The following WHRN variants were observed in gnomAD, a reference collection of about 807,000 sequenced individuals.
The protein encoded by WHRN is whirlin, also known as CASK-interacting protein CIP98.
WHRN carries 41 observed loss-of-function variants against 68.3 expected under a neutral mutation model. That is an observed-to-expected ratio of 0.60 (90% confidence interval 0.47 to 0.78). The LOEUF is 0.78. Ranked by LOEUF, WHRN falls within the 30% of genes least tolerant of loss-of-function variation. The pLI is 0.00. For missense variants in WHRN, 1,243 were observed against 1,244.7 expected (o/e 1.00, Z 0.02); for synonymous variants, 560 against 561.3 (o/e 1.00, Z 0.03).
At chr9:114,497,771 T>C (rs1326616808) in intron 1 of WHRN, among the ~76,000 whole-genome samples, 1 of 152,180 alleles carries the variant, frequency 6.6e-6, no homozygotes, top group African/African-American at 2.4e-5. Context: ...AGCCATTGAG[T>C]ATCCAGGCAC....
intron 3 of WHRN, among the ~76,000 whole-genome samples, chr9:114,464,813 CATAATGATGATGATGATGATG>C (rs1391633691): frequency 6.6e-5 from 8 of 120,880 alleles, no homozygotes; most frequent in South Asian, 3.1e-4. Flanking sequence ...TGATTATGTC[CATAATGATGATGATGATGATG>C]ATGATGATGA....
Position 114,424,185 on chromosome 9 carries a change from G to A in WHRN, c.1416+149C>T, listed in dbSNP as rs185189373. 179 of 897,168 alleles carry A rather than the reference G, an allele frequency of 2.0e-4. 1 individual carries two copies. The highest frequency in any genetic ancestry group is 2.0e-3 in the East Asian group (79 of 40,478). 55.6% of individuals were successfully genotyped at this position (897,168 alleles called of 1,614,324 possible). A position where few individuals can be genotyped will look rare whatever the true frequency, so the allele number is the denominator to read the frequency against. On this transcript the variant is annotated intron_variant, in intron 6 of 11. Transcript: ENST00000362057. Reference sequence around the variant, plus strand: ...CCCCCAGGAGTCTGTGAGCATCCTGGGGGCAGGAGGCTGCCTCAGTCCCAG... The same window carrying A: ...CCCCCAGGAGTCTGTGAGCATCCTGAGGGCAGGAGGCTGCCTCAGTCCCAG...
chr9:114,446,858 C>G (rs1182914613), intron 3 of WHRN, among the ~76,000 whole-genome samples: 2 of 152,076 alleles, frequency 1.3e-5, no homozygotes, highest in Non-Finnish European at 2.9e-5. Context: ...GCCAGGAGCT[C>G]TTGGAAAAGC....
chr9:114,468,398 A>G (rs1840908396), intron 2 of WHRN, among the ~76,000 whole-genome samples: 1 of 152,046 alleles, frequency 6.6e-6, no homozygotes, highest in South Asian at 2.1e-4. Flanking sequence ...TGAACTCTTT[A>G]ATTTGCTGCT....
At chr9:114,418,236 G>A (rs777841906) in intron 7 of WHRN, among the ~76,000 whole-genome samples, 19 of 152,140 alleles carry the variant, frequency 1.2e-4, no homozygotes, top group Non-Finnish European at 2.4e-4. Context: ...AAAGGCAGTC[G>A]CTCCTGAGGA....
At chr9:114,481,372 A>G (rs1352471605) in intron 1 of WHRN, among the ~76,000 whole-genome samples, 1 of 152,188 alleles carries the variant, frequency 6.6e-6, no homozygotes, top group East Asian at 1.9e-4. Context: ...ACAGGGTAAG[A>G]TTTACAGTAT....
rs746238365 is a variant in WHRN, at chr9:114,466,277, C to A, written c.953G>T (p.Ser318Ile). 2 of 1,614,092 alleles carry A rather than the reference C, an allele frequency of 1.2e-6. No individual in the cohort carries two copies. The highest frequency in any genetic ancestry group is 1.7e-6 in the Non-Finnish European group (2 of 1,180,042). Residue 318 changes from serine to isoleucine, a missense_variant, in exon 3 of 12, where the codon AGC (serine) becomes ATC (isoleucine). Physicochemically the swap from Ser to Ile is moderately radical, Grantham distance 142. Coordinates refer to ENST00000362057, the MANE Select transcript of WHRN (RefSeq NM_015404.4). ...GVDPGSEAEG[S>I]GLKVGDQILE... is the part of the protein sequence containing the mutation. ...CAGGCCCTCCCTCACCTTGAGCCCG[C>A]TGCCTTCTGCTTCAGAGCCTGGGTC...
At chr9:114,474,078 C>T (rs1841457565) in intron 2 of WHRN, among the ~76,000 whole-genome samples, 1 of 152,146 alleles carries the variant, frequency 6.6e-6, no homozygotes, top group Non-Finnish European at 1.5e-5. Flanking sequence ...GCTGACTCAA[C>T]CCATCCTCCA....
At chr9:114,423,923 T>C (rs935726709) in intron 6 of WHRN, among the ~76,000 whole-genome samples, 2 of 152,192 alleles carry the variant, frequency 1.3e-5, no homozygotes, top group Admixed American at 1.3e-4. Flanking sequence ...CTTTGTACAG[T>C]TTCTGGACCT....
At chr9:114,500,568 A>G (rs1843833540) in intron 1 of WHRN, among the ~76,000 whole-genome samples, 1 of 152,192 alleles carries the variant, frequency 6.6e-6, no homozygotes, top group South Asian at 2.1e-4. Flanking sequence ...TGCTCCTTGA[A>G]TCCACCCATG....
chr9:114,418,205 G>A (rs936202540), intron 7 of WHRN, among the ~76,000 whole-genome samples: 7 of 152,232 alleles, frequency 4.6e-5, no homozygotes, highest in African/African-American at 1.7e-4. Context: ...CACAGCAGTC[G>A]CTCCTGAGGA....
chr9:114,429,723 T>C (rs2132450477), intron 3 of WHRN, among the ~76,000 whole-genome samples: 1 of 152,310 alleles, frequency 6.6e-6, no homozygotes, highest in East Asian at 1.9e-4. Context: ...CAGGTGTGGA[T>C]ACTGCCCTTC....
chr9:114,427,050 A>G (rs1836937085), intron 3 of WHRN, among the ~76,000 whole-genome samples: 1 of 152,182 alleles, frequency 6.6e-6, no homozygotes, highest in African/African-American at 2.4e-5. Flanking sequence ...GGACTACTTA[A>G]GCCCAGTAGT....
At chr9:114,418,145 C>T (rs953492163) in intron 7 of WHRN, among the ~76,000 whole-genome samples, 2 of 152,146 alleles carry the variant, frequency 1.3e-5, no homozygotes, top group African/African-American at 2.4e-5. Context: ...TAAGGGACTC[C>T]CACAGTCCCC....
At chr9:114,454,783 T>C (rs767868096) in intron 3 of WHRN, among the ~76,000 whole-genome samples, 2 of 152,034 alleles carry the variant, frequency 1.3e-5, no homozygotes, top group African/African-American at 4.8e-5. Context: ...AAGAACAAAT[T>C]GGAGGACTCT....
chr9:114,423,191 A>T (rs150704552), intron 7 of WHRN, 123 bp downstream of exon 7: 7 of 1,025,096 alleles, frequency 6.8e-6, no homozygotes, highest in African/African-American at 1.6e-5. Flanking sequence ...AGGCTCAGAG[A>T]GGCAAGGCAC....
chr9:114,503,790 G>C (rs1456595054), intron 1 of WHRN: 1 of 239,766 alleles, frequency 4.2e-6, no homozygotes, highest in African/African-American at 2.3e-5. Context: ...AACTGTTTCA[G>C]GGAAAAACAA....
At chr9:114,425,130 C>A (rs146714356) in intron 4 of WHRN, 106 bp from the exon 5 acceptor site, 20 of 1,193,112 alleles carry the variant, frequency 1.7e-5, no homozygotes, top group Non-Finnish European at 2.5e-5. Flanking sequence ...TTCAAGAGAA[C>A]CATGCATCGT....
At position 114,423,522 on chromosome 9, in the gene WHRN, A is replaced by G. The variant is rs758287988; in HGVS notation, c.1418T>C (p.Phe473Ser). 6.2e-7 allele frequency: 1 copy of G among 1,605,040 alleles called. No individual in the cohort carries two copies. The highest frequency in any genetic ancestry group is 1.1e-5 in the South Asian group (1 of 90,756). The change falls in exon 7 of 12, where the codon TTC (phenylalanine) becomes TCC (serine). Residue 473 changes from phenylalanine (F) to serine (S), a missense_variant and splice_region_variant. Coordinates refer to ENST00000362057, the MANE Select transcript of WHRN (RefSeq NM_015404.4). ...GCCTCTCACCTCAGAGAGGAGTGAG[A>G]ACTGGAGGCGGGGACAAAAGGGGCA... ...LFKLLNTHAK[F>S]SLLSEVRGTI...
Sources: gnomAD v4.1 joint callset for allele counts (sites outside exome capture counted in the v4.1 genomes callset) on GRCh38, gnomAD v4.1.1 for gene constraint, MANE v1.5 for transcripts, NCBI Gene and HGNC (gene_info 2026-07-23, HGNC 2026-07-21) for gene names.